The following AVL9 variants were observed in gnomAD, a reference collection of about 807,000 sequenced individuals.
AVL9 encodes late secretory pathway protein AVL9 homolog.
Under a neutral mutation model 79.2 loss-of-function variants are expected in AVL9, and 49 were observed. The ratio of observed to expected loss-of-function variants is 0.62; its 90% CI spans 0.49 to 0.79. AVL9 has a LOEUF of 0.79. AVL9 is among the 30% of genes least tolerant of loss of function. AVL9 has a pLI of 0.00. For synonymous variants in AVL9, 299 were observed against 280.6 expected (o/e 1.07, Z -0.65); for missense variants, 682 against 776.8 (o/e 0.88, Z 1.45).
At position 32,562,659 on chromosome 7, in the gene AVL9, C is replaced by T. The variant is rs896123197; in HGVS notation, c.1215+3195C>T. 3 of 981,504 alleles carry T rather than the reference C, an allele frequency of 3.1e-6. No homozygotes were observed. The African/African-American group carries it at 5.2e-5, about 17-fold the overall frequency. The allele number at this position is 981,504 out of a possible 1,614,324, so 60.8% of individuals were successfully genotyped here. On this transcript the variant is annotated intron_variant, in intron 10 of 15. Coordinates refer to ENST00000318709, the MANE Select transcript of AVL9 (RefSeq NM_015060.3). Reference sequence around the variant, plus strand: ...ACTGGACTGGACATAGCATCTCACACCTGTAATCCCAGCACTTTGGGAGGC... The same window carrying T: ...ACTGGACTGGACATAGCATCTCACATCTGTAATCCCAGCACTTTGGGAGGC...
chr7:32,578,241 G>A (rs1481471726), intron 13 of AVL9, among the ~76,000 whole-genome samples: 1 of 152,102 alleles, frequency 6.6e-6, no homozygotes, highest in Non-Finnish European at 1.5e-5. Context: ...AGAATTGATG[G>A]TAAATGTTTC....
chr7:32,531,423 A>G (rs13228746), intron 1 of AVL9, among the ~76,000 whole-genome samples: 21 of 145,706 alleles, frequency 1.4e-4, no homozygotes, highest in South Asian at 4.5e-4. Context: ...ATGAACATGT[A>G]TATTCATATA....
intron 6 of AVL9, 67 bp downstream of exon 6, chr7:32,552,362 G>A (rs572516386): frequency 3.4e-5 from 33 of 975,014 alleles, no homozygotes; most frequent in Admixed American, 1.3e-4. Flanking sequence ...ACTGAGTTGC[G>A]TGTAAAACTT....
In AVL9 at chr7:32,579,416, G is replaced by A. The variant is rs1194815336; in HGVS notation, c.1689-803G>A. ...ATATGTTATATATTATATATAATAT[G>A]TTATATATATAATATATATATTATA... On this transcript the variant is annotated intron_variant, in intron 13 of 15. Coordinates refer to ENST00000318709, the MANE Select transcript of AVL9 (RefSeq NM_015060.3). Among the ~76,000 whole-genome samples the A allele has an allele frequency of 9.4e-3, 36 of 3,840 alleles. 1 individual carries two copies. Among genetic ancestry groups the A allele is most frequent in the Non-Finnish European group, 0.013 (28 of 2,118 alleles). The allele number at this position is 3,840 out of a possible 152,430, so 2.5% of individuals were successfully genotyped here.
At chr7:32,522,331 C>CAG (rs1437401559) in intron 1 of AVL9, among the ~76,000 whole-genome samples, 1 of 152,160 alleles carries the variant, frequency 6.6e-6, no homozygotes, top group Non-Finnish European at 1.5e-5. Context: ...GCCACAGGGG[C>CAG]AGAGCTACCC....
At chr7:32,500,521 C>T (rs1056420377) in intron 1 of AVL9, among the ~76,000 whole-genome samples, 3 of 151,996 alleles carry the variant, frequency 2.0e-5, no homozygotes, top group African/African-American at 4.8e-5. Context: ...AATTTTCTCT[C>T]ATTCCATAGG....
At chr7:32,520,962 C>T (rs972852966) in intron 1 of AVL9, among the ~76,000 whole-genome samples, 4 of 152,086 alleles carry the variant, frequency 2.6e-5, no homozygotes, top group Non-Finnish European at 5.9e-5. Context: ...ATAAGTCACA[C>T]GAGATCTGAT....
intron 1 of AVL9, among the ~76,000 whole-genome samples, chr7:32,502,608 A>G (rs1787192022): frequency 6.6e-6 from 1 of 152,134 alleles, no homozygotes; most frequent in Admixed American, 6.5e-5. Flanking sequence ...ACTATTTTGA[A>G]TAGCGCTGCA....
intron 1 of AVL9, among the ~76,000 whole-genome samples, chr7:32,540,143 T>C (rs1280460743): frequency 6.6e-6 from 1 of 152,248 alleles, no homozygotes; most frequent in African/African-American, 2.4e-5. Context: ...ACATTCTTTT[T>C]AACAGCTGGA....
intron 1 of AVL9, among the ~76,000 whole-genome samples, chr7:32,504,344 A>G (rs928228510): frequency 6.6e-6 from 1 of 152,178 alleles, no homozygotes; most frequent in Non-Finnish European, 1.5e-5. Flanking sequence ...ATAATGTTCC[A>G]TTTATATCAT....
intron 5 of AVL9, among the ~76,000 whole-genome samples, chr7:32,551,937 AG>A (rs1255263232): frequency 6.6e-6 from 1 of 152,170 alleles, no homozygotes; most frequent in Non-Finnish European, 1.5e-5. Flanking sequence ...GATTTATACT[AG>A]GAATTCATAC....
chr7:32,571,886 G>A (rs1372107800), intron 11 of AVL9, among the ~76,000 whole-genome samples: 2 of 151,828 alleles, frequency 1.3e-5, no homozygotes, highest in Non-Finnish European at 2.9e-5. Context: ...GTATCTGGCC[G>A]GGCACAGTGG....
chr7:32,566,704 C>T (rs1458555294), intron 10 of AVL9, among the ~76,000 whole-genome samples: 1 of 141,654 alleles, frequency 7.1e-6, no homozygotes, highest in African/African-American at 2.5e-5. Flanking sequence ...CGGTGAAACC[C>T]CATCTCTACT....
At chr7:32,529,887 T>G (rs962614206) in intron 1 of AVL9, among the ~76,000 whole-genome samples, 1 of 152,222 alleles carries the variant, frequency 6.6e-6, no homozygotes, top group African/African-American at 2.4e-5. Context: ...AACCATGTTT[T>G]GACCCATGCT....
At chr7:32,518,966 A>C (rs372250313) in intron 1 of AVL9, among the ~76,000 whole-genome samples, 1 of 152,320 alleles carries the variant, frequency 6.6e-6, no homozygotes, top group East Asian at 1.9e-4. Flanking sequence ...AAACTACTCA[A>C]ATATCTCAAG....
intron 11 of AVL9, among the ~76,000 whole-genome samples, chr7:32,572,800 T>TCAAAA (rs1554346556): frequency 2.6e-4 from 2 of 7,684 alleles, no homozygotes; most frequent in Non-Finnish European, 5.1e-4. Flanking sequence ...AGACTCCGTC[T>TCAAAA]CAAAAAAAAA....
intron 1 of AVL9, among the ~76,000 whole-genome samples, chr7:32,516,291 T>C (rs1229698322): frequency 1.3e-5 from 2 of 152,240 alleles, no homozygotes; most frequent in Admixed American, 1.3e-4. Context: ...TTCACTGTTT[T>C]GTTTTTTCCA....
intron 1 of AVL9, among the ~76,000 whole-genome samples, chr7:32,524,911 G>GC (rs1788334044): frequency 6.6e-6 from 1 of 152,168 alleles, no homozygotes; most frequent in Non-Finnish European, 1.5e-5. Flanking sequence ...AAATAATGGT[G>GC]CCCAAGAGTT....
At chr7:32,501,662 T>C (rs1377850190) in intron 1 of AVL9, among the ~76,000 whole-genome samples, 2 of 152,242 alleles carry the variant, frequency 1.3e-5, no homozygotes, top group Non-Finnish European at 2.9e-5. Context: ...CTTTGAAATA[T>C]CAGGAAGATT....
Sources: allele counts gnomAD v4.1 joint callset (sites outside exome capture counted in the v4.1 genomes callset), GRCh38; gene constraint gnomAD v4.1.1; transcripts MANE v1.5; gene names NCBI Gene and HGNC (gene_info 2026-07-23, HGNC 2026-07-21).